The following PPP2R2C variants were observed in gnomAD, a reference collection of about 807,000 sequenced individuals.
The protein encoded by PPP2R2C is protein phosphatase 2 regulatory subunit Bgamma.
A neutral mutation model predicts 45.3 loss-of-function variants in PPP2R2C; 10 were observed. The ratio of observed to expected loss-of-function variants is 0.22; its 90% CI spans 0.14 to 0.37. The LOEUF (loss-of-function observed/expected upper bound fraction) is 0.37, where lower values mean the gene tolerates loss of function less well. Ranked by LOEUF, PPP2R2C falls within the 10% of genes least tolerant of loss-of-function variation. The pLI is 1.00. For synonymous variants in PPP2R2C, 257 were observed against 245.4 expected, an observed-to-expected ratio of 1.05 and a Z score of -0.44; for missense variants, 308 against 619.7, an observed-to-expected ratio of 0.50 and a Z score of 5.34.
At chr4:6,523,939 G>C (rs929231593) in intron 2 of PPP2R2C, among the ~76,000 whole-genome samples, 34 of 152,178 alleles carry the variant, frequency 2.2e-4, no homozygotes, top group Admixed American at 2.2e-3. Context: ...TTTTGAGACA[G>C]TTTCGCTCTT....
intron 1 of PPP2R2C, among the ~76,000 whole-genome samples, chr4:6,468,804 C>G (rs150912565): frequency 1.3e-5 from 2 of 151,904 alleles, no homozygotes; most frequent in African/African-American, 2.4e-5. Context: ...TGAGGCCTGC[C>G]GCAAAAAGAG....
In PPP2R2C at chr4:6,392,621, G is replaced by A. The variant is rs1016707980; in HGVS notation, c.71-11527C>T. On this transcript the variant is annotated intron_variant, in intron 1 of 8. Coordinates refer to ENST00000382599, the MANE Select transcript of PPP2R2C (RefSeq NM_020416.4). ...TGCAGGCCAGCAAGGAGGCCAGTGT[G>A]CGTGTGAGAGGGATGGGGCAGGACA... 1.2e-4 allele frequency among the ~76,000 whole-genome samples: 18 copies of A among 152,330 alleles called. 1 individual carries two copies. The highest frequency in any genetic ancestry group is 1.2e-3 in the Admixed American group (18 of 15,302).
chr4:6,411,321 C>T (rs577902871), intron 1 of PPP2R2C, among the ~76,000 whole-genome samples: 6 of 152,156 alleles, frequency 3.9e-5, no homozygotes, highest in Non-Finnish European at 8.8e-5. Context: ...ACTAGGAGGA[C>T]CCTGCTGCCA....
At chr4:6,455,042 C>T (rs1449590270) in intron 1 of PPP2R2C, among the ~76,000 whole-genome samples, 1 of 93,106 alleles carries the variant, frequency 1.1e-5, no homozygotes, top group African/African-American at 5.2e-5. Flanking sequence ...ATGAACACAG[C>T]ACAAGTCACC....
chr4:6,398,526 A>G (rs574295548), intron 1 of PPP2R2C, among the ~76,000 whole-genome samples: 52 of 152,310 alleles, frequency 3.4e-4, no homozygotes, highest in Non-Finnish European at 6.3e-4. Context: ...AGTCATCACA[A>G]GACGCAGATG....
intron 1 of PPP2R2C, among the ~76,000 whole-genome samples, chr4:6,549,918 C>T (rs146922390): frequency 4.6e-5 from 7 of 152,346 alleles, no homozygotes; most frequent in African/African-American, 1.4e-4. Context: ...ACATGCTCAA[C>T]TGATGCTTGC....
At chr4:6,449,222 C>T (rs963092518) in intron 1 of PPP2R2C, among the ~76,000 whole-genome samples, 2 of 152,050 alleles carry the variant, frequency 1.3e-5, no homozygotes, top group African/African-American at 2.4e-5. Flanking sequence ...CAGCACCGTG[C>T]GAAACGGGAA....
At chr4:6,384,582 A>G in intron 1 of PPP2R2C, 3 of 984,810 alleles carry the variant, frequency 3.0e-6, no homozygotes, top group Non-Finnish European at 2.4e-6. Context: ...CACAGTGTAT[A>G]TTATTTTTAT....
chr4:6,534,368 T>C (rs1206474325), intron 2 of PPP2R2C, among the ~76,000 whole-genome samples: 1 of 132,640 alleles, frequency 7.5e-6, no homozygotes, highest in Non-Finnish European at 1.6e-5. Context: ...ATACGTACAC[T>C]AACACACACC....
chr4:6,472,660 C>T (rs1323476775), upstream of PPP2R2C, among the ~76,000 whole-genome samples: 10 of 149,806 alleles, frequency 6.7e-5, no homozygotes. Context: ...AGGCCCCTCC[C>T]TCGCGCCGCC....
intron 1 of PPP2R2C, among the ~76,000 whole-genome samples, chr4:6,547,938 C>G (rs1048032360): frequency 6.6e-6 from 1 of 152,160 alleles, no homozygotes; most frequent in Admixed American, 6.5e-5. Context: ...CATAATGGGG[C>G]CAGGCACGGT....
At position 6,507,651 on chromosome 4, in the gene PPP2R2C, A is replaced by C. The variant is rs1011632533; in HGVS notation, c.49+27620T>G. The stretch of plus-strand genomic sequence containing the variant: ...AGCCTCAGGTGAGACCAGCAGAAGA[A>C]CCACTAGCTAAGCCTGGCCCAGATC... On this transcript the variant is annotated intron_variant, in intron 2 of 9. Transcript: ENST00000506140. 7.2e-5 allele frequency among the ~76,000 whole-genome samples: 11 copies of C among 152,246 alleles called. 1 individual carries two copies. The highest frequency in any genetic ancestry group is 6.3e-3 in the Middle Eastern group (2 of 316).
At chr4:6,493,542 T>C (rs1159369905) in intron 2 of PPP2R2C, among the ~76,000 whole-genome samples, 1 of 151,348 alleles carries the variant, frequency 6.6e-6, no homozygotes, top group African/African-American at 2.4e-5. Context: ...ACACACTCCG[T>C]ACATCTGGTA....
At chr4:6,543,547 C>T (rs6849702) in intron 1 of PPP2R2C, among the ~76,000 whole-genome samples, 3,461 of 152,212 alleles carry the variant, frequency 0.023, 93 homozygotes, top group South Asian at 0.031. Context: ...CTGGCCAAAC[C>T]CCGTCTCTAC....
At chr4:6,456,197 T>C (rs534501796) in intron 1 of PPP2R2C, among the ~76,000 whole-genome samples, 5 of 152,346 alleles carry the variant, frequency 3.3e-5, no homozygotes, top group African/African-American at 1.2e-4. Flanking sequence ...GACAGTGCAT[T>C]TAATATTTTA....
chr4:6,482,178 A>C (rs1167513838), intron 2 of PPP2R2C, among the ~76,000 whole-genome samples: 1 of 152,160 alleles, frequency 6.6e-6, no homozygotes, highest in Admixed American at 6.5e-5. Context: ...AATTTTCTTC[A>C]TAACAATAAC....
At chr4:6,463,729 A>C (rs990576125) in intron 1 of PPP2R2C, among the ~76,000 whole-genome samples, 5 of 152,220 alleles carry the variant, frequency 3.3e-5, no homozygotes, top group African/African-American at 1.2e-4. Context: ...ACCATGTCCC[A>C]GCACATCATC....
At chr4:6,487,851 C>T (rs928906558) in intron 2 of PPP2R2C, among the ~76,000 whole-genome samples, 25 of 152,226 alleles carry the variant, frequency 1.6e-4, no homozygotes, top group African/African-American at 4.1e-4. Context: ...ACATATATTA[C>T]GCCTCTTAAA....
At position 6,342,126 on chromosome 4, in the gene PPP2R2C, ACAT is replaced by A. The variant is rs1324019137; in HGVS notation, c.790+5717_790+5719del. 4.1e-4 allele frequency among the ~76,000 whole-genome samples: 55 copies of A among 133,764 alleles called. 1 individual carries two copies. The South Asian group carries it at 0.013, about 31-fold the overall frequency. The allele number at this position is 133,764 out of a possible 152,430, so 87.8% of individuals were successfully genotyped here. ...CACACACACACACACACACACACACACATACATATATATACATACATATATATA... is the reference window on the plus strand; with the variant it reads ...CACACACACACACACACACACACACAACATATATATACATACATATATATA... On this transcript the variant is annotated intron_variant, in intron 6 of 8. Coordinates refer to ENST00000382599, the MANE Select transcript of PPP2R2C (RefSeq NM_020416.4).
Sources: allele counts gnomAD v4.1 joint callset (sites outside exome capture counted in the v4.1 genomes callset), GRCh38; gene constraint gnomAD v4.1.1; transcripts MANE v1.5; gene names NCBI Gene and HGNC (gene_info 2026-07-23, HGNC 2026-07-21).